CDH2: variants seen among roughly 807,000 people sequenced by gnomAD.
CDH2 encodes the protein cadherin 2, also known as cadherin-2.
CDH2 carries 17 observed loss-of-function variants against 92.0 expected under a neutral mutation model. That is an observed-to-expected ratio of 0.18 (90% CI 0.13 to 0.28). The LOEUF is 0.28. Among genes scored for constraint, CDH2 ranks in the 10% least tolerant of loss-of-function variants. The probability of loss-of-function intolerance (pLI) is 1.00; values close to 1 mark genes in which losing one functional copy is unlikely to be tolerated. For synonymous variants in CDH2, 419 were observed against 415.9 expected, an observed-to-expected ratio of 1.01 and a Z score of -0.09; for missense variants, 862 against 1,133.1, an observed-to-expected ratio of 0.76 and a Z score of 3.44.
intron 11 of CDH2, among the ~76,000 whole-genome samples, chr18:27,986,154 C>A (rs1326079627): frequency 6.6e-6 from 1 of 152,062 alleles, no homozygotes; most frequent in African/African-American, 2.4e-5. Context: ...TATGGAGAAC[C>A]AAGACATATG....
chr18:28,075,068 T>C (rs1264150129), intron 2 of CDH2, among the ~76,000 whole-genome samples: 1 of 152,198 alleles, frequency 6.6e-6, no homozygotes, highest in Admixed American at 6.5e-5. Context: ...ATAGAGTTTA[T>C]TCACTCATTC....
chr18:28,132,562 T>G (rs577813006), intron 2 of CDH2, among the ~76,000 whole-genome samples: 1 of 152,184 alleles, frequency 6.6e-6, no homozygotes, highest in Non-Finnish European at 1.5e-5. Flanking sequence ...CTAAATGTGA[T>G]CTCACTGATC....
intron 2 of CDH2, among the ~76,000 whole-genome samples, chr18:28,134,857 A>G (rs958336843): frequency 6.6e-6 from 1 of 152,190 alleles, no homozygotes; most frequent in Admixed American, 6.5e-5. Flanking sequence ...TACCCTGACT[A>G]GCAACATGGA....
intron 1 of CDH2, among the ~76,000 whole-genome samples, chr18:28,176,424 G>C (rs1008378184): frequency 6.6e-6 from 1 of 152,174 alleles, no homozygotes; most frequent in Non-Finnish European, 1.5e-5. Flanking sequence ...ACTCCAGACT[G>C]GGATAAAGAC....
intron 2 of CDH2, among the ~76,000 whole-genome samples, chr18:28,081,840 T>A (rs912232269): frequency 6.6e-6 from 1 of 152,204 alleles, no homozygotes; most frequent in Non-Finnish European, 1.5e-5. Flanking sequence ...ATAAAATATA[T>A]GTGAATAATG....
intron 2 of CDH2, among the ~76,000 whole-genome samples, chr18:28,063,739 A>C (rs2014450802): frequency 6.6e-6 from 1 of 152,228 alleles, no homozygotes; most frequent in African/African-American, 2.4e-5. Flanking sequence ...CAGATGTGAC[A>C]GCATAACTGT....
intron 2 of CDH2, among the ~76,000 whole-genome samples, chr18:28,099,787 C>T (rs2144229961): frequency 6.6e-6 from 1 of 152,122 alleles, no homozygotes; most frequent in South Asian, 2.1e-4. Context: ...AAAGCATGTG[C>T]AATTTCAGAT....
chr18:28,097,854 A>G (rs569326803), intron 2 of CDH2, among the ~76,000 whole-genome samples: 1 of 152,178 alleles, frequency 6.6e-6, no homozygotes, highest in African/African-American at 2.4e-5. Context: ...AAGTTTTATA[A>G]TTTTTTCATG....
chr18:28,048,216 C>T (rs1216741161), intron 2 of CDH2, among the ~76,000 whole-genome samples: 1 of 152,024 alleles, frequency 6.6e-6, no homozygotes, highest in Non-Finnish European at 1.5e-5. Context: ...TTATCAGATC[C>T]CACAGCTAAT....
At chr18:28,107,317 A>T (rs2015338038) in intron 2 of CDH2, among the ~76,000 whole-genome samples, 1 of 152,012 alleles carries the variant, frequency 6.6e-6, no homozygotes, top group Admixed American at 6.6e-5. Context: ...CTCAAAACCT[A>T]CCAATACTGT....
chr18:28,077,796 C>T (rs2014749884), intron 2 of CDH2, among the ~76,000 whole-genome samples: 1 of 142,736 alleles, frequency 7.0e-6, no homozygotes, highest in Admixed American at 7.5e-5. Flanking sequence ...GAGGCTGAGG[C>T]AGGAGAATTG....
chr18:27,956,707 C>G (rs2011253935), intron 15 of CDH2, among the ~76,000 whole-genome samples: 1 of 152,160 alleles, frequency 6.6e-6, no homozygotes, highest in African/African-American at 2.4e-5. Context: ...TCTGACTGCT[C>G]TCTATGACTC....
chr18:28,067,435 G>A (rs563528030), intron 2 of CDH2, among the ~76,000 whole-genome samples: 9 of 152,082 alleles, frequency 5.9e-5, no homozygotes, highest in Admixed American at 3.3e-4. Context: ...TCTACCTTCT[G>A]TCTCTATAAG....
intron 2 of CDH2, among the ~76,000 whole-genome samples, chr18:28,030,266 A>C: frequency 6.6e-6 from 1 of 151,344 alleles, no homozygotes; most frequent in East Asian, 1.9e-4. Context: ...TGGGACAATG[A>C]CAGAAAAAAA....
chr18:28,145,830 T>G (rs2016026514), intron 2 of CDH2, among the ~76,000 whole-genome samples: 1 of 147,908 alleles, frequency 6.8e-6, no homozygotes. Flanking sequence ...AAAAACTGTT[T>G]AAAAAAAAAA....
intron 2 of CDH2, among the ~76,000 whole-genome samples, chr18:28,017,595 T>C (rs2013288553): frequency 6.6e-6 from 1 of 152,184 alleles, no homozygotes; most frequent in South Asian, 2.1e-4. Flanking sequence ...GTATCTTTTT[T>C]GGTTTCAACT....
chr18:28,149,610 A>G (rs945667721), intron 1 of CDH2, among the ~76,000 whole-genome samples: 1 of 152,204 alleles, frequency 6.6e-6, no homozygotes, highest in Non-Finnish European at 1.5e-5. Context: ...TTTAAACACA[A>G]AAGATAACAT....
chr18:28,000,858 A>G (rs964569062), intron 7 of CDH2, among the ~76,000 whole-genome samples: 6 of 150,060 alleles, frequency 4.0e-5, no homozygotes, highest in Non-Finnish European at 7.5e-5. Flanking sequence ...GAGAACACAC[A>G]TTACTTTTGA....
intron 1 of CDH2, among the ~76,000 whole-genome samples, chr18:28,175,540 C>A (rs866295344): frequency 1.4e-5 from 2 of 146,416 alleles, no homozygotes; most frequent in Non-Finnish European, 2.9e-5. Context: ...CGGCGGCCCA[C>A]GACCGTCTAG....
Sources: allele counts gnomAD v4.1 joint callset (sites outside exome capture counted in the v4.1 genomes callset), GRCh38; gene constraint gnomAD v4.1.1; transcripts MANE v1.5; gene names NCBI Gene and HGNC (gene_info 2026-07-23, HGNC 2026-07-21).